The following KLHL8 variants were observed in gnomAD, a reference collection of about 807,000 sequenced individuals.
The protein encoded by KLHL8 is kelch-like protein 8.
In KLHL8, 38 loss-of-function variants were observed where a neutral mutation model predicts 63.5. That is an observed-to-expected ratio of 0.60 (90% CI 0.46 to 0.78). The LOEUF (loss-of-function observed/expected upper bound fraction) is 0.78, where lower values mean the gene tolerates loss of function less well. Ranked by LOEUF, KLHL8 falls within the 30% of genes least tolerant of loss-of-function variation. The pLI, the probability that KLHL8 is intolerant of heterozygous loss-of-function variation, is 0.00. For missense variants in KLHL8, 566 were observed against 752.4 expected (o/e 0.75, Z 2.90); for synonymous variants, 224 against 254.3 (o/e 0.88, Z 1.13).
At chr4:87,238,166 T>G (rs1218656358) in intron 1 of KLHL8, among the ~76,000 whole-genome samples, 1 of 152,036 alleles carries the variant, frequency 6.6e-6, no homozygotes, top group Admixed American at 6.6e-5. Flanking sequence ...AAACTCGTGA[T>G]CTCATGATCC....
chr4:87,160,238 T>C lies in KLHL8; in HGVS notation c.*3281A>G, dbSNP rs1198061410. 1 of 152,178 alleles carries C rather than the reference T, an allele frequency of 6.6e-6. No individual in the cohort carries two copies. Among genetic ancestry groups the C allele is most frequent in the Non-Finnish European group, 1.5e-5 (1 of 68,004 alleles). 9.4% of individuals were successfully genotyped at this position (152,178 alleles called of 1,614,324 possible). On this transcript the variant is annotated 3_prime_UTR_variant, in exon 10 of 10. Coordinates refer to ENST00000273963, the MANE Select transcript of KLHL8 (RefSeq NM_020803.5). ...ATTTTCTGGAGTATTATAACACAAATTTATAAATGGTTTTAAGAAAATATT... is the reference window on the plus strand; with the variant it reads ...ATTTTCTGGAGTATTATAACACAAACTTATAAATGGTTTTAAGAAAATATT...
intron 5 of KLHL8, among the ~76,000 whole-genome samples, chr4:87,177,560 GCACACA>G (rs148227275): frequency 2.0e-5 from 3 of 150,100 alleles, no homozygotes; most frequent in Admixed American, 1.3e-4. Flanking sequence ...TATAAACTGT[GCACACA>G]CACACACACA....
In KLHL8 at chr4:87,188,849, T is replaced by G. The variant is rs546545121; in HGVS notation, c.217-3050A>C. 4.0e-3 allele frequency among the ~76,000 whole-genome samples: 606 copies of G among 152,370 alleles called. 4 individuals are homozygous for G. Among genetic ancestry groups the G allele is most frequent in the Non-Finnish European group, 6.8e-3 (464 of 68,028 alleles). On this transcript the variant is annotated intron_variant, in intron 2 of 9. Coordinates refer to ENST00000273963, the MANE Select transcript of KLHL8 (RefSeq NM_020803.5). ...CTACATAATATTAGACATTACCGTG[T>G]ATTTAGAATTATATAAATACTATAT...
At chr4:87,232,193 G>A (rs1046871442) in intron 1 of KLHL8, among the ~76,000 whole-genome samples, 1 of 152,136 alleles carries the variant, frequency 6.6e-6, no homozygotes, top group Admixed American at 6.5e-5. Context: ...ATCTGAATGT[G>A]ATATTTATTT....
chr4:87,175,773 A>T (rs1438122122), intron 6 of KLHL8, among the ~76,000 whole-genome samples: 3 of 152,238 alleles, frequency 2.0e-5, no homozygotes, highest in Non-Finnish European at 4.4e-5. Flanking sequence ...GAACATAAAT[A>T]TGTAAATGAG....
chr4:87,219,015 G>C (rs1732713760), intron 1 of KLHL8, among the ~76,000 whole-genome samples: 1 of 152,216 alleles, frequency 6.6e-6, no homozygotes, highest in Non-Finnish European at 1.5e-5. Context: ...GGGATTACAG[G>C]CGTGAGCCAC....
chr4:87,207,378 C>T, intron 1 of KLHL8: 1 of 667,314 alleles, frequency 1.5e-6, no homozygotes, highest in Non-Finnish European at 2.8e-6. Flanking sequence ...TTGTGGAGTC[C>T]ACTGGTGTTT....
At chr4:87,229,499 A>G (rs1338902403) in intron 1 of KLHL8, among the ~76,000 whole-genome samples, 1 of 147,058 alleles carries the variant, frequency 6.8e-6, no homozygotes, top group African/African-American at 2.5e-5. Flanking sequence ...CAGTGGTGCG[A>G]TCTTGGCTCG....
At chr4:87,164,877 G>C (rs183485412) in intron 8 of KLHL8, among the ~76,000 whole-genome samples, 1 of 151,986 alleles carries the variant, frequency 6.6e-6, no homozygotes, top group South Asian at 2.1e-4. Context: ...GGCCGGGCGC[G>C]GTGGCTCACG....
intron 8 of KLHL8, chr4:87,167,298 CT>C: frequency 2.2e-6 from 1 of 462,444 alleles, no homozygotes; most frequent in Non-Finnish European, 4.2e-6. Flanking sequence ...TCATGGGCTG[CT>C]TTAGTGTTCA....
chr4:87,230,440 C>A (rs1003630263), intron 1 of KLHL8, among the ~76,000 whole-genome samples: 1 of 152,134 alleles, frequency 6.6e-6, no homozygotes, highest in African/African-American at 2.4e-5. Context: ...ACAAGTAGCA[C>A]CCCTACTATT....
intron 1 of KLHL8, among the ~76,000 whole-genome samples, chr4:87,230,121 A>T (rs1005624124): frequency 5.3e-5 from 8 of 152,304 alleles, no homozygotes; most frequent in African/African-American, 1.9e-4. Flanking sequence ...GGAATAATGC[A>T]GTACTTCTGA....
intron 1 of KLHL8, among the ~76,000 whole-genome samples, chr4:87,211,876 T>G (rs1006399217): frequency 1.3e-5 from 2 of 152,190 alleles, no homozygotes; most frequent in African/African-American, 4.8e-5. Context: ...AACTTAAGTG[T>G]GAATTAGATG....
At chr4:87,207,363 G>C in intron 1 of KLHL8, 1 of 653,180 alleles carries the variant, frequency 1.5e-6, no homozygotes, top group Non-Finnish European at 2.8e-6. Flanking sequence ...CTGACGCTGA[G>C]TACGTTGTGG....
chr4:87,183,689 T>C (rs1411162842), intron 3 of KLHL8, among the ~76,000 whole-genome samples: 1 of 152,220 alleles, frequency 6.6e-6, no homozygotes, highest in Non-Finnish European at 1.5e-5. Context: ...AATTGAATTG[T>C]CTTCATTCAA....
chr4:87,179,703 T>C lies in KLHL8; in HGVS notation c.953-1083A>G, dbSNP rs573166121. 1.2e-3 allele frequency among the ~76,000 whole-genome samples: 185 copies of C among 152,138 alleles called. 4 individuals are homozygous for C. The South Asian group carries it at 0.037, about 30-fold the overall frequency. On this transcript the variant is annotated intron_variant, in intron 4 of 9. Transcript: ENST00000273963. Reference sequence around the variant, plus strand: ...GAGGCAGGAGGATCACTTGAGCCCATGATTTCAATGCCGCAGTGAGCTATG... The same window carrying C: ...GAGGCAGGAGGATCACTTGAGCCCACGATTTCAATGCCGCAGTGAGCTATG...
intron 1 of KLHL8, among the ~76,000 whole-genome samples, chr4:87,214,415 GAT>G (rs58112792): frequency 0.037 from 3,370 of 90,864 alleles, 49 homozygotes; most frequent in Non-Finnish European, 0.058. Context: ...GCACATAACA[GAT>G]ATATATATAT....
chr4:87,209,918 A>G (rs931089709), intron 1 of KLHL8, among the ~76,000 whole-genome samples: 4 of 148,156 alleles, frequency 2.7e-5, no homozygotes, highest in Non-Finnish European at 5.9e-5. Context: ...CAGTGGCGCA[A>G]TCTTGGCTTA....
In KLHL8 at chr4:87,185,774, T is replaced by C; in HGVS notation, c.242A>G (p.His81Arg). The C allele has an allele frequency of 1.2e-6, 2 of 1,609,992 alleles. No homozygotes were observed. Among genetic ancestry groups the C allele is most frequent in the Non-Finnish European group, 1.7e-6 (2 of 1,178,032 alleles). The change falls in exon 3 of 10, where the codon CAC becomes CGC. Residue 81 changes from histidine to arginine, a missense_variant. His to Arg is a conservative substitution (Grantham distance 29). Coordinates refer to ENST00000273963, the MANE Select transcript of KLHL8 (RefSeq NM_020803.5). ...LKVGSKLISC[H>R]KLVLACVIPY... ...AATAACACAAGCCAATACCAGCTTG[T>C]GACAAGAGATTAGCTTTGAGCCAAC...
Sources: allele counts gnomAD v4.1 joint callset (sites outside exome capture counted in the v4.1 genomes callset), GRCh38; gene constraint gnomAD v4.1.1; transcripts MANE v1.5; gene names NCBI Gene and HGNC (gene_info 2026-07-23, HGNC 2026-07-21).